The following GTF2A1 variants were observed in gnomAD, a reference collection of about 807,000 sequenced individuals.
GTF2A1 encodes the protein transcription initiation factor IIA subunit 1.
In GTF2A1, 12 loss-of-function variants were observed where a neutral mutation model predicts 54.1. The ratio of observed to expected loss-of-function variants is 0.22; its 90% confidence interval spans 0.14 to 0.36. GTF2A1 has a LOEUF of 0.36. GTF2A1 is among the 10% of genes least tolerant of loss of function. GTF2A1 has a pLI of 1.00. For synonymous variants in GTF2A1, 145 were observed against 152.0 expected, an observed-to-expected ratio of 0.95 and a Z score of 0.34; for missense variants, 335 against 442.2, an observed-to-expected ratio of 0.76 and a Z score of 2.17.
chr14:81,186,491 G>A (rs909424769), intron 7 of GTF2A1, among the ~76,000 whole-genome samples: 5 of 151,964 alleles, frequency 3.3e-5, no homozygotes, highest in Non-Finnish European at 7.4e-5. Context: ...GGAAATCTCA[G>A]CATTAAAGAG....
chr14:81,188,210 T>C (rs1892791246), intron 7 of GTF2A1, among the ~76,000 whole-genome samples: 1 of 152,224 alleles, frequency 6.6e-6, no homozygotes, highest in African/African-American at 2.4e-5. Flanking sequence ...GAGTTCTTTA[T>C]ATATTCTGGA....
intron 2 of GTF2A1, among the ~76,000 whole-genome samples, chr14:81,210,874 C>A (rs1005699355): frequency 1.3e-5 from 2 of 152,098 alleles, no homozygotes; most frequent in Non-Finnish European, 2.9e-5. Context: ...CAGCCACTAA[C>A]ATAGTATTGA....
intron 1 of GTF2A1, among the ~76,000 whole-genome samples, chr14:81,219,136 T>G (rs1032383399): frequency 6.6e-6 from 1 of 151,998 alleles, no homozygotes; most frequent in Non-Finnish European, 1.5e-5. Context: ...ATTTTGAAAA[T>G]TGTAAACAAA....
intron 7 of GTF2A1, 32 bp downstream of exon 7, chr14:81,192,487 A>G (rs200541456): frequency 1.4e-4 from 206 of 1,490,190 alleles, no homozygotes; most frequent in Non-Finnish European, 1.8e-4. Context: ...ATAATCAAGT[A>G]GATTATTTTA....
intron 7 of GTF2A1, among the ~76,000 whole-genome samples, chr14:81,191,261 A>G (rs1408436156): frequency 6.6e-6 from 1 of 152,170 alleles, no homozygotes; most frequent in Non-Finnish European, 1.5e-5. Context: ...GTGATTTGGC[A>G]TTTTATTATA....
rs184889850 is a variant in GTF2A1, at chr14:81,181,132, C to T, written c.1024-802G>A. Among the ~76,000 whole-genome samples the T allele has an allele frequency of 2.6e-4, 40 of 152,320 alleles. 1 individual carries two copies. Among genetic ancestry groups the T allele is most frequent in the African/African-American group, 9.1e-4 (38 of 41,574 alleles). ...AACAAAAAGAGCTGAAGGGCAGGCT[C>T]TGGGCACTCCCATCTTTGCCTTCAC... On this transcript the variant is annotated intron_variant, in intron 8 of 8. Coordinates refer to ENST00000553612, the MANE Select transcript of GTF2A1 (RefSeq NM_015859.4).
At chr14:81,195,359 C>T (rs1315588039) in intron 6 of GTF2A1, among the ~76,000 whole-genome samples, 5 of 151,372 alleles carry the variant, frequency 3.3e-5, no homozygotes, top group East Asian at 3.9e-4. Context: ...AAAGGCCGGG[C>T]GCAGTGGCTC....
At chr14:81,191,988 A>T (rs1892885592) in intron 7 of GTF2A1, among the ~76,000 whole-genome samples, 1 of 152,224 alleles carries the variant, frequency 6.6e-6, no homozygotes, top group African/African-American at 2.4e-5. Flanking sequence ...AATAGTGAGG[A>T]AAACAAAGGC....
intron 2 of GTF2A1, among the ~76,000 whole-genome samples, chr14:81,208,431 C>T (rs1311734778): frequency 3.9e-5 from 6 of 152,222 alleles, no homozygotes; most frequent in Admixed American, 3.3e-4. Context: ...AAGCAAAAGT[C>T]TGCTACTGCA....
In GTF2A1 at chr14:81,197,239, G is replaced by C. The variant is rs375349742; in HGVS notation, c.478+170C>G. 37 of 527,256 alleles carry C rather than the reference G, an allele frequency of 7.0e-5. No homozygotes were observed. The East Asian group carries it at 9.1e-4, about 13-fold the overall frequency. 32.7% of individuals were successfully genotyped at this position (527,256 alleles called of 1,614,324 possible). A position where few individuals can be genotyped will look rare whatever the true frequency, so the allele number is the denominator to read the frequency against. ...TCTTCTTTACTGTATCCTCAACAAC[G>C]ATTACAGTTATATGTGTTACAGCCC... On this transcript the variant is annotated intron_variant, in intron 5 of 8. Coordinates refer to ENST00000553612, the MANE Select transcript of GTF2A1 (RefSeq NM_015859.4).
chr14:81,216,317 C>A (rs764537369), intron 2 of GTF2A1, 96 bp downstream of exon 2: 10 of 658,382 alleles, frequency 1.5e-5, no homozygotes, highest in Middle Eastern at 2.5e-4. Context: ...CTCAACTATA[C>A]GTTCATCCTA....
At chr14:81,185,253 T>C (rs1210410159) in intron 8 of GTF2A1, among the ~76,000 whole-genome samples, 1 of 152,164 alleles carries the variant, frequency 6.6e-6, no homozygotes, top group African/African-American at 2.4e-5. Flanking sequence ...AAGTGGCTGT[T>C]TACTCTGCTT....
chr14:81,194,221 T>C (rs58293301), intron 6 of GTF2A1, among the ~76,000 whole-genome samples: 131 of 152,340 alleles, frequency 8.6e-4, no homozygotes, highest in African/African-American at 3.1e-3. Context: ...TACTGTGAAC[T>C]GCACATGCAA....
intron 6 of GTF2A1, among the ~76,000 whole-genome samples, chr14:81,194,025 G>C (rs781389771): frequency 6.6e-6 from 1 of 152,182 alleles, no homozygotes; most frequent in Non-Finnish European, 1.5e-5. Flanking sequence ...GACAAAGCAT[G>C]ATCAAATATT....
At chr14:81,196,047 C>G in intron 6 of GTF2A1, 61 bp downstream of exon 6, 2 of 1,469,018 alleles carry the variant, frequency 1.4e-6, no homozygotes, top group Non-Finnish European at 1.9e-6. Context: ...GGAAACTACC[C>G]AGGGAATACA....
chr14:81,190,972 TAATAA>T (rs1892862900), intron 7 of GTF2A1, among the ~76,000 whole-genome samples: 1 of 152,050 alleles, frequency 6.6e-6, no homozygotes, highest in Non-Finnish European at 1.5e-5. Flanking sequence ...CTGGAAAAGG[TAATAA>T]AAACATGTTA....
intron 2 of GTF2A1, among the ~76,000 whole-genome samples, chr14:81,205,925 T>C (rs1211208268): frequency 6.6e-6 from 1 of 152,238 alleles, no homozygotes; most frequent in Non-Finnish European, 1.5e-5. Context: ...GTATTATATA[T>C]AGTAAGGCTT....
upstream of GTF2A1, chr14:81,220,988 G>A (rs1475116273): frequency 8.9e-5 from 14 of 156,766 alleles, no homozygotes; most frequent in South Asian, 2.1e-3. Flanking sequence ...GGGGCGGAAA[G>A]GGCGGGGGCA....
chr14:81,210,304 TAC>T (rs2140037494), intron 2 of GTF2A1, among the ~76,000 whole-genome samples: 1 of 152,364 alleles, frequency 6.6e-6, no homozygotes, highest in South Asian at 2.1e-4. Flanking sequence ...ATTGAATGTT[TAC>T]AGTTTCTCCA....
Sources: allele counts gnomAD v4.1 joint callset (sites outside exome capture counted in the v4.1 genomes callset), GRCh38; gene constraint gnomAD v4.1.1; transcripts MANE v1.5; gene names NCBI Gene and HGNC (gene_info 2026-07-23, HGNC 2026-07-21).